The following RIC1 variants were observed in gnomAD, a reference collection of about 807,000 sequenced individuals.
RIC1 encodes RIC1 partner of RAB6A GEF complex, also known as guanine nucleotide exchange factor subunit RIC1.
In RIC1, 88 loss-of-function variants were observed where a neutral mutation model predicts 169.0. The ratio of observed to expected loss-of-function variants is 0.52; its 90% CI spans 0.44 to 0.62. The LOEUF is 0.62. Ranked by LOEUF, RIC1 falls within the 20% of genes least tolerant of loss-of-function variation. The pLI, the probability that RIC1 is intolerant of heterozygous loss-of-function variation, is 0.00. For synonymous variants in RIC1, 790 were observed against 601.5 expected (o/e 1.31, Z -4.59); for missense variants, 1,877 against 1,725.5 (o/e 1.09, Z -1.56).
intron 3 of RIC1, among the ~76,000 whole-genome samples, chr9:5,703,536 T>C (rs1822366038): frequency 6.6e-6 from 1 of 152,248 alleles, no homozygotes. Context: ...TGTGTCTCTC[T>C]GGATTTGCCT....
intron 10 of RIC1, among the ~76,000 whole-genome samples, chr9:5,744,267 T>G (rs945747180): frequency 7.2e-5 from 11 of 152,158 alleles, no homozygotes; most frequent in African/African-American, 2.7e-4. Flanking sequence ...GCTTTTAACA[T>G]GAGGTGAAAT....
chr9:5,705,418 G>A (rs117882352), intron 3 of RIC1, among the ~76,000 whole-genome samples: 2 of 151,934 alleles, frequency 1.3e-5, no homozygotes, highest in African/African-American at 4.8e-5. Flanking sequence ...TGATGCTATT[G>A]TAAATGGAGT....
At chr9:5,746,878 C>T (rs1563946042) in intron 11 of RIC1, among the ~76,000 whole-genome samples, 1 of 152,116 alleles carries the variant, frequency 6.6e-6, no homozygotes. Flanking sequence ...TCCATTATTC[C>T]ACTTGAAGAC....
At chr9:5,733,009 A>C (rs1178233581) in intron 7 of RIC1, among the ~76,000 whole-genome samples, 1 of 152,160 alleles carries the variant, frequency 6.6e-6, no homozygotes, top group Non-Finnish European at 1.5e-5. Context: ...AGTTCTAAGC[A>C]CTTGATACAT....
chr9:5,717,076 T>C (rs1048250446), intron 4 of RIC1, among the ~76,000 whole-genome samples: 5 of 152,366 alleles, frequency 3.3e-5, no homozygotes, highest in African/African-American at 1.2e-4. Flanking sequence ...TTAAAAAGCC[T>C]ATCTGCTAAT....
In RIC1 at chr9:5,774,122, A is replaced by G. The variant is rs753050335; in HGVS notation, c.4148A>G (p.His1383Arg). The change falls in exon 26 of 26, where the codon CAT becomes CGT. Residue 1383 changes from histidine (H) to arginine (R), a missense_variant. This residue lies in a region of RIC1 where 681 missense variants were observed against 582.0 expected (regional missense o/e 1.17). Coordinates refer to ENST00000414202, the MANE Select transcript of RIC1 (RefSeq NM_020829.4). The stretch of plus-strand genomic sequence containing the variant: ...GAGGAGAGCAGGGGCTCCTCCAGCC[A>G]TGGAAGCATCCCCCAGGGTGAAGTT... ...RAEESRGSSS[H>R]GSIPQGEVGS... The G allele has an allele frequency of 1.9e-6, 3 of 1,614,062 alleles. No individual in the cohort carries two copies. Among genetic ancestry groups the G allele is most frequent in the Middle Eastern group, 1.7e-4 (1 of 6,060 alleles).
At chr9:5,740,132 A>T (rs1563940756) in intron 8 of RIC1, among the ~76,000 whole-genome samples, 2 of 152,160 alleles carry the variant, frequency 1.3e-5, no homozygotes, top group Admixed American at 6.5e-5. Flanking sequence ...AACTAGCTTC[A>T]TTATGTTCCT....
At chr9:5,685,500 A>G (rs1056816643) in intron 2 of RIC1, among the ~76,000 whole-genome samples, 35 of 149,398 alleles carry the variant, frequency 2.3e-4, no homozygotes, top group Non-Finnish European at 3.1e-4. Flanking sequence ...ATCTTTGACA[A>G]ACCTGAGAAA....
downstream of RIC1, among the ~76,000 whole-genome samples, chr9:5,778,585 C>A (rs182842971): frequency 2.6e-5 from 4 of 152,142 alleles, no homozygotes; most frequent in East Asian, 1.9e-4. Flanking sequence ...TACAAAAATC[C>A]AAATCCCTTC....
At chr9:5,678,164 A>C (rs1457721334) in intron 2 of RIC1, among the ~76,000 whole-genome samples, 1 of 152,190 alleles carries the variant, frequency 6.6e-6, no homozygotes. Context: ...ATGTCCCTAC[A>C]AAGGACATGA....
At chr9:5,670,258 A>G (rs1287242922) in intron 2 of RIC1, among the ~76,000 whole-genome samples, 2 of 152,210 alleles carry the variant, frequency 1.3e-5, no homozygotes, top group Admixed American at 6.5e-5. Context: ...GTAACTGCCA[A>G]GAGCTTTGCT....
At chr9:5,725,106 T>C (rs1048952027) in intron 6 of RIC1, among the ~76,000 whole-genome samples, 4 of 152,220 alleles carry the variant, frequency 2.6e-5, no homozygotes, top group African/African-American at 9.6e-5. Flanking sequence ...CTTTTTCTAT[T>C]GATTGGAATA....
At chr9:5,728,787 A>G (rs1351833677) in intron 6 of RIC1, among the ~76,000 whole-genome samples, 1 of 152,220 alleles carries the variant, frequency 6.6e-6, no homozygotes, top group Non-Finnish European at 1.5e-5. Context: ...TGTCATAATT[A>G]TCCTGAGATT....
rs575013912 is a variant in RIC1 at position 5,641,671 on chromosome 9, T to A, written c.144+12218T>A. Among the ~76,000 whole-genome samples, 2 of 145,610 alleles carry A rather than the reference T, an allele frequency of 1.4e-5. 1 individual carries two copies. Among genetic ancestry groups the A allele is most frequent in the African/African-American group, 5.5e-5 (2 of 36,146 alleles). ...AGTAGCCTGTCTCCAAGCCCACTAATTCTTTCTTCTGCTTGATCAATTCTG... is the reference window on the plus strand; with the variant it reads ...AGTAGCCTGTCTCCAAGCCCACTAAATCTTTCTTCTGCTTGATCAATTCTG... On this transcript the variant is annotated intron_variant, in intron 1 of 25. Transcript: ENST00000414202.
intron 1 of RIC1, among the ~76,000 whole-genome samples, chr9:5,650,702 C>T (rs191406613): frequency 6.6e-6 from 1 of 152,136 alleles, no homozygotes; most frequent in African/African-American, 2.4e-5. Context: ...TGGCAGCAAC[C>T]CCAGGCTAGC....
intron 8 of RIC1, among the ~76,000 whole-genome samples, chr9:5,741,934 C>G (rs1273858739): frequency 6.6e-6 from 1 of 152,148 alleles, no homozygotes; most frequent in Non-Finnish European, 1.5e-5. Flanking sequence ...ATTTAAATTT[C>G]TTTGCTTCCG....
intron 23 of RIC1, among the ~76,000 whole-genome samples, chr9:5,771,907 T>C (rs931342232): frequency 8.5e-5 from 13 of 152,176 alleles, no homozygotes; most frequent in African/African-American, 2.9e-4. Flanking sequence ...CCATGACATA[T>C]TATCTATAAA....
intron 1 of RIC1, among the ~76,000 whole-genome samples, chr9:5,632,097 G>A (rs1209453518): frequency 6.6e-6 from 1 of 152,220 alleles, no homozygotes; most frequent in Admixed American, 6.5e-5. Flanking sequence ...ACAGCTGCTT[G>A]AGGGCATTTG....
chr9:5,680,759 C>G (rs1041991505), intron 2 of RIC1, among the ~76,000 whole-genome samples: 1 of 149,716 alleles, frequency 6.7e-6, no homozygotes, highest in Non-Finnish European at 1.5e-5. Context: ...ATTAGTCTTG[C>G]TAGCGGTCTA....
Sources: gnomAD v4.1 joint callset for allele counts (sites outside exome capture counted in the v4.1 genomes callset) on GRCh38, gnomAD v4.1.1 for gene constraint, gnomAD v4.1.1 regional missense constraint, MANE v1.5 for transcripts, NCBI Gene and HGNC (gene_info 2026-07-23, HGNC 2026-07-21) for gene names.